OPA1: variants seen among roughly 807,000 people sequenced by gnomAD.
The protein encoded by OPA1 is OPA1 mitochondrial dynamin like GTPase, also known as dynamin-like GTPase OPA1, mitochondrial.
OPA1 carries 59 observed loss-of-function variants against 152.9 expected under a neutral mutation model. The ratio of observed to expected loss-of-function variants is 0.39; its 90% CI spans 0.31 to 0.48. OPA1 has a LOEUF of 0.48. Among genes scored for constraint, OPA1 ranks in the 20% least tolerant of loss-of-function variants. The pLI is 0.96. For synonymous variants in OPA1, 400 were observed against 389.9 expected, an observed-to-expected ratio of 1.03 and a Z score of -0.31; for missense variants, 1,008 against 1,216.8, an observed-to-expected ratio of 0.83 and a Z score of 2.55.
chr3:193,678,031 T>C (rs1232822105), intron 29 of OPA1, among the ~76,000 whole-genome samples: 1 of 152,232 alleles, frequency 6.6e-6, no homozygotes, highest in Non-Finnish European at 1.5e-5. Flanking sequence ...TCCACACTTG[T>C]ATCACCCATT....
chr3:193,669,474 G>T (rs563769658), intron 29 of OPA1, among the ~76,000 whole-genome samples: 3 of 152,080 alleles, frequency 2.0e-5, no homozygotes, highest in Non-Finnish European at 4.4e-5. Context: ...TCTTCGGCAG[G>T]GAATCTCCCA....
chr3:193,627,720 T>C (rs1327661191), intron 7 of OPA1, among the ~76,000 whole-genome samples: 1 of 152,206 alleles, frequency 6.6e-6, no homozygotes, highest in Non-Finnish European at 1.5e-5. Context: ...TAATGAATAC[T>C]GATTCATTTT....
chr3:193,655,093 T>C (rs1713464131), intron 22 of OPA1, 66 bp downstream of exon 22: 3 of 1,434,192 alleles, frequency 2.1e-6, no homozygotes, highest in Admixed American at 1.7e-5. Context: ...CTGTGAATTT[T>C]AGATTTTATT....
At chr3:193,596,123 C>T (rs1237042103) in intron 1 of OPA1, among the ~76,000 whole-genome samples, 1 of 151,866 alleles carries the variant, frequency 6.6e-6, no homozygotes, top group Non-Finnish European at 1.5e-5. Context: ...CATTCCGCCC[C>T]CATCCTCCCA....
chr3:193,687,509 T>C (rs752371106), intron 29 of OPA1, among the ~76,000 whole-genome samples: 1 of 152,236 alleles, frequency 6.6e-6, no homozygotes, highest in Non-Finnish European at 1.5e-5. Flanking sequence ...AATGGAAATA[T>C]GAGTTTGCTT....
chr3:193,631,665 G>C lies in OPA1; in HGVS notation c.843G>C (p.Gln281His). The change falls in exon 8 of 31, where the codon CAG (glutamine) becomes CAC (histidine). Residue 281 changes from glutamine (Q) to histidine (H), a missense_variant and splice_region_variant. Transcript: ENST00000361510. ...TTCAGGAAGAACTTCTGCACACTCA[G>C]GTAATCATGATGACTAAGAAAAACT... ...DQLQEELLHT[Q>H]LKYQRILERL... 6.2e-7 allele frequency: 1 copy of C among 1,610,142 alleles called. No individual in the cohort carries two copies. Among genetic ancestry groups the C allele is most frequent in the Non-Finnish European group, 8.5e-7 (1 of 1,176,896 alleles).
chr3:193,683,347 C>G (rs1421224265), intron 29 of OPA1, among the ~76,000 whole-genome samples: 1 of 150,068 alleles, frequency 6.7e-6, no homozygotes, highest in Non-Finnish European at 1.5e-5. Flanking sequence ...GGTGAAGATG[C>G]TGTGAACATT....
chr3:193,637,517 A>G (rs1242456571), intron 10 of OPA1, among the ~76,000 whole-genome samples: 1 of 152,020 alleles, frequency 6.6e-6, no homozygotes, highest in African/African-American at 2.4e-5. Flanking sequence ...GAGTTACTGT[A>G]TGTGTTATAA....
intron 1 of OPA1, among the ~76,000 whole-genome samples, chr3:193,609,011 G>T (rs1484524804): frequency 6.6e-6 from 1 of 152,102 alleles, no homozygotes; most frequent in African/African-American, 2.4e-5. Context: ...TTTTACCAGA[G>T]ACTAGGATTG....
chr3:193,689,765 A>G (rs768418160), intron 29 of OPA1, among the ~76,000 whole-genome samples: 1 of 152,156 alleles, frequency 6.6e-6, no homozygotes, highest in Non-Finnish European at 1.5e-5. Context: ...TCGTGTATCA[A>G]ATGGAGTTGG....
rs3772393 is a variant in OPA1, at chr3:193,618,850, T to A, written c.611-19T>A. ...TGACATCACTGGAGAATGTAAAGGG[T>A]TGCATATTTATCTTTAAGGTTCTCC... On this transcript the variant is annotated intron_variant, in intron 5 of 30. Transcript: ENST00000361510. 1.3e-6 allele frequency: 2 copies of A among 1,599,586 alleles called. No homozygotes were observed. Among genetic ancestry groups the A allele is most frequent in the Admixed American group, 3.3e-5 (2 of 59,990 alleles).
intron 20 of OPA1, 157 bp from the exon 21 acceptor site, chr3:193,648,638 T>TAA (rs772812433): frequency 1.0e-5 from 6 of 575,642 alleles, no homozygotes; most frequent in East Asian, 3.1e-5. Flanking sequence ...ATGGCATTCC[T>TAA]AAAAAAAAAC....
chr3:193,617,069 T>C (rs1221429743), intron 3 of OPA1, 109 bp from the exon 4 acceptor site: 3 of 701,844 alleles, frequency 4.3e-6, no homozygotes, highest in African/African-American at 1.8e-5. Flanking sequence ...AGTAGCTGTT[T>C]TGTAGGGTTG....
In OPA1 at chr3:193,657,190, T is replaced by G. The variant is rs1051242775; in HGVS notation, c.2289T>G (p.Ser763Arg). 5.0e-6 allele frequency: 8 copies of G among 1,614,016 alleles called. No individual in the cohort carries two copies. The highest frequency in any genetic ancestry group is 6.8e-6 in the Non-Finnish European group (8 of 1,179,944). The change falls in exon 23 of 31, where the codon AGT becomes AGG. Residue 763 changes from serine (S) to arginine (R), a missense_variant. By Grantham distance (110) the Ser-to-Arg change is moderately radical. Coordinates refer to ENST00000361510, the MANE Select transcript of OPA1 (RefSeq NM_130837.3). ...DKLKEAVKEE[S>R]IKRHKWNDFA... Reference sequence around the variant, plus strand: ...TTAAAGAGGCTGTTAAGGAAGAAAGTATTAAACGACACAAGTGGAATGACT... The same window carrying G: ...TTAAAGAGGCTGTTAAGGAAGAAAGGATTAAACGACACAAGTGGAATGACT...
chr3:193,619,567 A>T (rs1729665301), intron 6 of OPA1: 1 of 152,274 alleles, frequency 6.6e-6, no homozygotes, highest in Admixed American at 6.5e-5. Flanking sequence ...AGAATAACAT[A>T]CTTTGTTTGT....
At position 193,649,371 on chromosome 3, in the gene OPA1, A is replaced by G. The variant is rs939170408; in HGVS notation, c.2012+500A>G. Among the ~76,000 whole-genome samples, 3 of 152,274 alleles carry G rather than the reference A, an allele frequency of 2.0e-5. No individual in the cohort carries two copies. In the East Asian group the frequency reaches 5.8e-4, roughly 29 times the overall value. On this transcript the variant is annotated intron_variant, in intron 21 of 30. Coordinates refer to ENST00000361510, the MANE Select transcript of OPA1 (RefSeq NM_130837.3). ...ATGCACCTTTTTGAAAAATATGTTA[A>G]TCTTTTCTAAGGCAAACTGTTACCT... is the stretch of plus-strand genomic sequence containing the variant.
chr3:193,602,927 AT>A (rs1726681506), intron 1 of OPA1, among the ~76,000 whole-genome samples: 2 of 152,232 alleles, frequency 1.3e-5, no homozygotes, highest in African/African-American at 4.8e-5. Context: ...ACCAGAAAAC[AT>A]GCAAACTATT....
chr3:193,631,718 G>A (rs1211797078), intron 8 of OPA1, 53 bp downstream of exon 8: 6 of 1,459,734 alleles, frequency 4.1e-6, no homozygotes, highest in Non-Finnish European at 4.8e-6. Context: ...ATATTCGAAT[G>A]TAACTTTGGT....
intron 8 of OPA1, among the ~76,000 whole-genome samples, chr3:193,634,690 G>A (rs1308920353): frequency 6.6e-6 from 1 of 152,176 alleles, no homozygotes; most frequent in Non-Finnish European, 1.5e-5. Context: ...TTACAGGTGT[G>A]AGCCTCTGCG....
Sources: gnomAD v4.1 joint callset for allele counts (sites outside exome capture counted in the v4.1 genomes callset) on GRCh38, gnomAD v4.1.1 for gene constraint, MANE v1.5 for transcripts, NCBI Gene and HGNC (gene_info 2026-07-23, HGNC 2026-07-21) for gene names.